DAB1: variants seen among roughly 807,000 people sequenced by gnomAD.
DAB1 encodes the protein DAB adaptor protein 1.
A neutral mutation model predicts 64.6 loss-of-function variants in DAB1; 15 were observed. The ratio of observed to expected loss-of-function variants is 0.23; its 90% CI spans 0.16 to 0.36. The LOEUF is 0.36. DAB1 is among the 10% of genes least tolerant of loss of function. The pLI is 1.00. For synonymous variants in DAB1, 235 were observed against 251.9 expected (o/e 0.93, Z 0.64); for missense variants, 596 against 706.7 (o/e 0.84, Z 1.78).
chr1:57,751,904 T>G (rs1648571881), intron 6 of DAB1, among the ~76,000 whole-genome samples: 1 of 152,220 alleles, frequency 6.6e-6, no homozygotes, highest in Admixed American at 6.5e-5. Flanking sequence ...ATGCGATCAG[T>G]TCTGGCTGTA....
At chr1:58,425,606 T>C (rs1644815083) in intron 3 of DAB1, among the ~76,000 whole-genome samples, 1 of 151,824 alleles carries the variant, frequency 6.6e-6, no homozygotes, top group Admixed American at 6.6e-5. Flanking sequence ...AAGCATAGGA[T>C]GAAAAGAGAA....
chr1:58,111,574 G>A (rs1229882819), intron 5 of DAB1, among the ~76,000 whole-genome samples: 1 of 152,076 alleles, frequency 6.6e-6, no homozygotes, highest in African/African-American at 2.4e-5. Flanking sequence ...TGTTTACTTG[G>A]AACACATTTT....
At chr1:58,434,217 G>T (rs1421270196) in intron 3 of DAB1, among the ~76,000 whole-genome samples, 1 of 152,132 alleles carries the variant, frequency 6.6e-6, no homozygotes, top group Non-Finnish European at 1.5e-5. Context: ...ACGTTAAGGG[G>T]CAAGGAAAGG....
At chr1:57,906,557 G>A (rs1644554492) in intron 5 of DAB1, among the ~76,000 whole-genome samples, 1 of 152,140 alleles carries the variant, frequency 6.6e-6, no homozygotes, top group African/African-American at 2.4e-5. Flanking sequence ...CAGTTGCTAT[G>A]GTGTCAGGCA....
chr1:57,635,680 T>C (rs191169465), intron 7 of DAB1, among the ~76,000 whole-genome samples: 7 of 152,310 alleles, frequency 4.6e-5, no homozygotes, highest in African/African-American at 1.7e-4. Flanking sequence ...TACACAATAA[T>C]TGTAATGCAC....
At chr1:57,621,591 G>A (rs1159735764) in intron 7 of DAB1, among the ~76,000 whole-genome samples, 1 of 152,006 alleles carries the variant, frequency 6.6e-6, no homozygotes, top group Non-Finnish European at 1.5e-5. Context: ...AAGTTCCTCC[G>A]TGGAAAGGTG....
At chr1:58,347,860 G>A (rs1214916716) in intron 3 of DAB1, among the ~76,000 whole-genome samples, 1 of 152,156 alleles carries the variant, frequency 6.6e-6, no homozygotes, top group Non-Finnish European at 1.5e-5. Flanking sequence ...TTCTCCTCCA[G>A]GTTCTAGCTC....
chr1:58,288,019 CAAAAAAAAAAAAAA>C (rs763850453), intron 4 of DAB1, among the ~76,000 whole-genome samples: 1 of 21,982 alleles, frequency 4.5e-5, no homozygotes, highest in African/African-American at 1.0e-4. Context: ...AAGACTGCCT[CAAAAAAAAAAAAAA>C]AAAAAAAAAA....
chr1:57,765,399 C>T (rs1649264871), intron 6 of DAB1, among the ~76,000 whole-genome samples: 1 of 152,178 alleles, frequency 6.6e-6, no homozygotes, highest in South Asian at 2.1e-4. Flanking sequence ...ATACTATTCC[C>T]AAGTTCAAAG....
Position 58,161,069 on chromosome 1 carries a change from T to G in DAB1, n.310-10481A>C, listed in dbSNP as rs684099. On this transcript the variant is annotated intron_variant and non_coding_transcript_variant, in intron 4 of 20. Coordinates refer to the DAB1 transcript ENST00000485760. ...CCCATCTAGAAAAGATGTTATAACC[T>G]AGGCAGGAAGATGGGACACAAGTAG... is the stretch of plus-strand genomic sequence containing the variant. Among the ~76,000 whole-genome samples, 501 of 152,280 alleles carry G rather than the reference T, an allele frequency of 3.3e-3. 3 individuals are homozygous for G. The highest frequency in any genetic ancestry group is 0.011 in the African/African-American group (478 of 41,578).
intron 5 of DAB1, among the ~76,000 whole-genome samples, chr1:58,107,303 C>CA (rs960763989): frequency 0.023 from 1,664 of 70,838 alleles, 29 homozygotes; most frequent in African/African-American, 0.048. Flanking sequence ...ACTAAAAATA[C>CA]AAAAAAAAAA....
chr1:57,484,331 G>A (rs1210068626), intron 7 of DAB1, among the ~76,000 whole-genome samples: 1 of 152,162 alleles, frequency 6.6e-6, no homozygotes, highest in Non-Finnish European at 1.5e-5. Flanking sequence ...AATCAAGAAT[G>A]ATCTAATTTA....
intron 7 of DAB1, among the ~76,000 whole-genome samples, chr1:57,438,394 G>C: frequency 6.6e-6 from 1 of 150,784 alleles, no homozygotes; most frequent in African/African-American, 2.4e-5. Flanking sequence ...ATAGTGGTTT[G>C]TTTTTTTTTC....
chr1:57,131,340 C>G (rs1023551857), intron 4 of DAB1, among the ~76,000 whole-genome samples: 4 of 152,186 alleles, frequency 2.6e-5, no homozygotes, highest in Admixed American at 2.6e-4. Context: ...ATTCCAGGAA[C>G]TGTTGGATGT....
At chr1:58,027,506 C>A (rs1045490678) in intron 5 of DAB1, among the ~76,000 whole-genome samples, 1 of 152,122 alleles carries the variant, frequency 6.6e-6, no homozygotes, top group Admixed American at 6.6e-5. Flanking sequence ...AGTTGACATA[C>A]TTTCTGTCCT....
chr1:57,633,267 A>G (rs1441199322), intron 7 of DAB1, among the ~76,000 whole-genome samples: 1 of 152,192 alleles, frequency 6.6e-6, no homozygotes, highest in African/African-American at 2.4e-5. Context: ...GGAATTCTCA[A>G]ACTTGAGCAC....
chr1:57,578,987 T>C (rs1046490110), intron 7 of DAB1, among the ~76,000 whole-genome samples: 11 of 152,212 alleles, frequency 7.2e-5, no homozygotes, highest in African/African-American at 2.4e-4. Flanking sequence ...CCAGCTACTT[T>C]GGATGAATTG....
intron 3 of DAB1, among the ~76,000 whole-genome samples, chr1:58,371,564 A>G (rs932850435): frequency 6.6e-6 from 1 of 152,260 alleles, no homozygotes; most frequent in Non-Finnish European, 1.5e-5. Flanking sequence ...ACAAGTAATG[A>G]GGAACTGAAT....
chr1:57,571,048 T>A (rs1305240591), intron 7 of DAB1, among the ~76,000 whole-genome samples: 2 of 152,234 alleles, frequency 1.3e-5, no homozygotes, highest in African/African-American at 4.8e-5. Context: ...TTTGTGTACA[T>A]TAATTTTATC....
Sources: allele counts gnomAD v4.1 joint callset (sites outside exome capture counted in the v4.1 genomes callset), GRCh38; gene constraint gnomAD v4.1.1; transcripts MANE v1.5; gene names NCBI Gene and HGNC (gene_info 2026-07-23, HGNC 2026-07-21).